The following TANGO6 variants were observed in gnomAD, a reference collection of about 807,000 sequenced individuals.
TANGO6 encodes transport and Golgi organization protein 6 homolog.
In TANGO6, 90 loss-of-function variants were observed where a neutral mutation model predicts 114.2. The ratio of observed to expected loss-of-function variants is 0.79; its 90% CI spans 0.66 to 0.94. TANGO6 has a LOEUF of 0.94. Ranked by LOEUF, TANGO6 falls within the 40% of genes least tolerant of loss-of-function variation. TANGO6 has a pLI of 0.00. For missense variants in TANGO6, 1,274 were observed against 1,315.3 expected, an observed-to-expected ratio of 0.97 and a Z score of 0.49; for synonymous variants, 477 against 509.8, an observed-to-expected ratio of 0.94 and a Z score of 0.87.
intron 7 of TANGO6, among the ~76,000 whole-genome samples, chr16:68,882,278 C>T (rs141705406): frequency 0.034 from 5,165 of 151,578 alleles, 131 homozygotes; most frequent in Admixed American, 0.08. Context: ...GGGCAGATCA[C>T]GAGGTCAGGA....
In TANGO6 at chr16:68,963,506, A is replaced by G. The variant is rs1041247087; in HGVS notation, c.2702-10522A>G. Among the ~76,000 whole-genome samples, 64 of 152,116 alleles carry G rather than the reference A, an allele frequency of 4.2e-4. 1 individual carries two copies. Among genetic ancestry groups the G allele is most frequent in the African/African-American group, 1.4e-3 (59 of 41,424 alleles). ...TTTAAAGTAGTTTCTTCTAGTAATT[A>G]TTTCTCTGTTTATAAATAAAGTGCT... On this transcript the variant is annotated intron_variant, in intron 14 of 17. Transcript: ENST00000261778.
intron 17 of TANGO6, among the ~76,000 whole-genome samples, chr16:69,064,927 G>A (rs900714182): frequency 1.3e-5 from 2 of 152,176 alleles, no homozygotes; most frequent in African/African-American, 2.4e-5. Flanking sequence ...TCTGCATGGA[G>A]ATCTTGAAGG....
At chr16:69,077,386 C>T (rs758957641) in intron 17 of TANGO6, among the ~76,000 whole-genome samples, 6 of 152,082 alleles carry the variant, frequency 3.9e-5, no homozygotes, top group Middle Eastern at 3.4e-3. Context: ...GTGTTTCAGT[C>T]GACATTCTTA....
At chr16:69,081,924 C>T (rs1960471004) in intron 17 of TANGO6, among the ~76,000 whole-genome samples, 1 of 151,976 alleles carries the variant, frequency 6.6e-6, no homozygotes, top group African/African-American at 2.4e-5. Flanking sequence ...ACCTCCGCCT[C>T]CTGGGTTCAA....
intron 11 of TANGO6, among the ~76,000 whole-genome samples, chr16:68,918,527 T>C (rs1284632640): frequency 6.6e-6 from 1 of 152,246 alleles, no homozygotes; most frequent in African/African-American, 2.4e-5. Context: ...TAAGTTAATT[T>C]ACAAGTCATT....
intron 16 of TANGO6, among the ~76,000 whole-genome samples, chr16:69,032,171 T>G (rs1959604930): frequency 6.6e-6 from 1 of 152,066 alleles, no homozygotes; most frequent in Non-Finnish European, 1.5e-5. Context: ...AGTGGAGCCT[T>G]GTGTGGACTT....
At chr16:69,044,913 T>C (rs1178011541) in intron 17 of TANGO6, among the ~76,000 whole-genome samples, 5 of 152,026 alleles carry the variant, frequency 3.3e-5, no homozygotes, top group Non-Finnish European at 5.9e-5. Flanking sequence ...CCCAGCACTT[T>C]GTTTGGGAGG....
intron 15 of TANGO6, among the ~76,000 whole-genome samples, chr16:69,007,878 G>T (rs1964107706): frequency 6.6e-6 from 1 of 152,090 alleles, no homozygotes; most frequent in Non-Finnish European, 1.5e-5. Flanking sequence ...TTATGGTTTT[G>T]ATTTGTACTT....
At position 68,956,881 on chromosome 16, in the gene TANGO6, A is replaced by C. The variant is rs376687401; in HGVS notation, c.2702-17147A>C. Reference sequence around the variant, plus strand: ...AGAAAAAAAAGGAAAAGAAAAAGAAAACTTGTATTTGAGAGGTTATGATCA... The same window carrying C: ...AGAAAAAAAAGGAAAAGAAAAAGAACACTTGTATTTGAGAGGTTATGATCA... On this transcript the variant is annotated intron_variant, in intron 14 of 17. Coordinates refer to ENST00000261778, the MANE Select transcript of TANGO6 (RefSeq NM_024562.2). Among the ~76,000 whole-genome samples the C allele has an allele frequency of 1.8e-3, 277 of 152,056 alleles. 2 individuals are homozygous for C. In the South Asian group the frequency reaches 0.055, roughly 30 times the overall value.
chr16:68,993,196 CA>C (rs2152218758), intron 15 of TANGO6, among the ~76,000 whole-genome samples: 1 of 152,266 alleles, frequency 6.6e-6, no homozygotes, highest in African/African-American at 2.4e-5. Context: ...TTAGGAGACA[CA>C]AGATGTCATT....
In TANGO6 at chr16:68,860,128, A is replaced by C. The variant is rs746283040; in HGVS notation, c.339A>C (p.Ala113=). Residue 113 remains alanine (A), a synonymous_variant, in exon 2 of 18, where the codon GCA becomes GCC. Transcript: ENST00000261778. ...LCLKETMIRL[A]ANFNPGKPNP... is the part of the protein sequence containing the mutation. ...TGAAGGAAACCATGATCCGCCTTGC[A>C]GCTAATTTCAATCCAGGTAAACCCA... is the stretch of plus-strand genomic sequence containing the variant. The C allele has an allele frequency of 6.2e-7, 1 of 1,614,026 alleles. No individual in the cohort carries two copies. Among genetic ancestry groups the C allele is most frequent in the South Asian group, 1.1e-5 (1 of 91,086 alleles).
chr16:68,922,950 T>TTG (rs1555523774), intron 12 of TANGO6, among the ~76,000 whole-genome samples: 1 of 139,820 alleles, frequency 7.2e-6, no homozygotes, highest in Non-Finnish European at 1.6e-5. Flanking sequence ...TTTTTTTTTT[T>TTG]TTTTTTTTTT....
intron 7 of TANGO6, among the ~76,000 whole-genome samples, chr16:68,897,681 C>T (rs753005527): frequency 1.3e-5 from 2 of 151,318 alleles, no homozygotes; most frequent in South Asian, 2.1e-4. Flanking sequence ...TGGGTTCAAG[C>T]GATTCTCCTG....
chr16:68,980,249 A>T, intron 15 of TANGO6, among the ~76,000 whole-genome samples: 1 of 150,276 alleles, frequency 6.7e-6, no homozygotes, highest in Non-Finnish European at 1.5e-5. Flanking sequence ...TTTCTTTTTC[A>T]TTTTGTTTTT....
chr16:68,996,061 T>G (rs1963986524), intron 15 of TANGO6, among the ~76,000 whole-genome samples: 1 of 152,210 alleles, frequency 6.6e-6, no homozygotes, highest in Admixed American at 6.5e-5. Flanking sequence ...TGTAGCTGCG[T>G]ACATTATATT....
chr16:69,076,558 G>A (rs1176483117), intron 17 of TANGO6, among the ~76,000 whole-genome samples: 1 of 152,160 alleles, frequency 6.6e-6, no homozygotes, highest in Non-Finnish European at 1.5e-5. Context: ...ATGCAGTCGG[G>A]TTCCATGGTC....
intron 9 of TANGO6, among the ~76,000 whole-genome samples, chr16:68,907,099 ATTTTTTTTTT>A (rs546359676): frequency 8.7e-6 from 1 of 114,608 alleles, no homozygotes; most frequent in Non-Finnish European, 1.8e-5. Flanking sequence ...CCAGACCTTG[ATTTTTTTTTT>A]TTTTTTTTTT....
chr16:68,878,120 T>G lies in TANGO6; in HGVS notation c.1134T>G (p.Val378=). The change falls in exon 6 of 18, where the codon GTT becomes GTG. Residue 378 remains valine (V), a splice_region_variant and synonymous_variant. Coordinates refer to ENST00000261778, the MANE Select transcript of TANGO6 (RefSeq NM_024562.2). Reference sequence around the variant, plus strand: ...TACTTCTTGTAGTTTTTTTGTAGGTTCTGGATTTATTTCACTTTCAAGATA... The same window carrying G: ...TACTTCTTGTAGTTTTTTTGTAGGTGCTGGATTTATTTCACTTTCAAGATA... ...ENYYRDICPQ[V]LDLFHFQDKL... 6.2e-7 allele frequency: 1 copy of G among 1,609,800 alleles called. No individual in the cohort carries two copies. The highest frequency in any genetic ancestry group is 8.5e-7 in the Non-Finnish European group (1 of 1,178,024).
chr16:68,943,240 CTTTTTTTCT>C lies in TANGO6; in HGVS notation c.2701+12957_2701+12965del, dbSNP rs200699170. Reference sequence around the variant, plus strand: ...ATTCTTATTTTTATTTTTTATTTCTCTTTTTTTCTTTTTTTTCTTTATTTTATTTTATTA... The same window carrying C: ...ATTCTTATTTTTATTTTTTATTTCTCTTTTTTTCTTTATTTTATTTTATTA... On this transcript the variant is annotated intron_variant, in intron 14 of 17. Coordinates refer to ENST00000261778, the MANE Select transcript of TANGO6 (RefSeq NM_024562.2). Among the ~76,000 whole-genome samples the C allele has an allele frequency of 6.0e-5, 9 of 148,934 alleles. No individual in the cohort carries two copies. In the East Asian group the frequency reaches 1.4e-3, roughly 23 times the overall value.
Sources: allele counts gnomAD v4.1 joint callset (sites outside exome capture counted in the v4.1 genomes callset), GRCh38; gene constraint gnomAD v4.1.1; transcripts MANE v1.5; gene names NCBI Gene and HGNC (gene_info 2026-07-23, HGNC 2026-07-21).